ADAMTS20: variants seen among roughly 807,000 people sequenced by gnomAD.
ADAMTS20 encodes the protein A disintegrin and metalloproteinase with thrombospondin motifs 20.
Under a neutral mutation model 260.1 loss-of-function variants are expected in ADAMTS20, and 225 were observed. The ratio of observed to expected loss-of-function variants is 0.87; its 90% CI spans 0.78 to 0.97. The LOEUF (loss-of-function observed/expected upper bound fraction) is 0.97. Among genes scored for constraint, ADAMTS20 ranks in the 50% least tolerant of loss-of-function variants. The pLI, the probability that ADAMTS20 is intolerant of heterozygous loss-of-function variation, is 0.00. For missense variants in ADAMTS20, 2,400 were observed against 2,337.7 expected, an observed-to-expected ratio of 1.03 and a Z score of -0.55; for synonymous variants, 802 against 769.5, an observed-to-expected ratio of 1.04 and a Z score of -0.70.
At chr12:43,357,315 A>C (rs1939767606) in intron 37 of ADAMTS20, among the ~76,000 whole-genome samples, 1 of 152,222 alleles carries the variant, frequency 6.6e-6, no homozygotes, top group Non-Finnish European at 1.5e-5. Context: ...GATTCAGAAC[A>C]ATATTACGAC....
chr12:43,452,802 C>T, intron 12 of ADAMTS20, 107 bp from the exon 13 acceptor site: 2 of 1,010,992 alleles, frequency 2.0e-6, no homozygotes, highest in Non-Finnish European at 2.8e-6. Flanking sequence ...AGTGAAGTCC[C>T]ACTAACACTT....
At chr12:43,542,641 T>G (rs911657421) in intron 2 of ADAMTS20, among the ~76,000 whole-genome samples, 2 of 152,208 alleles carry the variant, frequency 1.3e-5, no homozygotes, top group African/African-American at 4.8e-5. Context: ...AATTCAAAAT[T>G]TAGTTTTTCC....
intron 3 of ADAMTS20, among the ~76,000 whole-genome samples, chr12:43,512,164 G>T (rs112507004): frequency 1.3e-4 from 19 of 150,462 alleles, no homozygotes; most frequent in Non-Finnish European, 2.2e-4. Flanking sequence ...TATTATTATC[G>T]TCATTTTATA....
At chr12:43,499,927 T>C (rs1209123679) in intron 4 of ADAMTS20, among the ~76,000 whole-genome samples, 1 of 152,240 alleles carries the variant, frequency 6.6e-6, no homozygotes, top group Admixed American at 6.5e-5. Flanking sequence ...CTAGTCAGTA[T>C]GCCCAAAGCA....
intron 3 of ADAMTS20, among the ~76,000 whole-genome samples, chr12:43,502,608 G>T (rs1190415296): frequency 6.6e-6 from 1 of 151,998 alleles, no homozygotes; most frequent in Non-Finnish European, 1.5e-5. Context: ...TAAAAAGTTT[G>T]CAAAAGTTCA....
At chr12:43,495,973 A>C (rs755063981) in intron 4 of ADAMTS20, among the ~76,000 whole-genome samples, 1 of 152,096 alleles carries the variant, frequency 6.6e-6, no homozygotes, top group Non-Finnish European at 1.5e-5. Context: ...TTATTGAACA[A>C]CTCTATTCAA....
intron 12 of ADAMTS20, among the ~76,000 whole-genome samples, chr12:43,453,311 T>A (rs561147919): frequency 6.6e-6 from 1 of 152,232 alleles, no homozygotes; most frequent in South Asian, 2.1e-4. Flanking sequence ...AAGTAAAGAG[T>A]ATCATATTGC....
chr12:43,418,298 A>G lies in ADAMTS20; in HGVS notation c.4284+7216T>C, dbSNP rs150230090. Among the ~76,000 whole-genome samples the G allele has an allele frequency of 7.2e-3, 1,088 of 152,154 alleles. 16 individuals carry two copies. The highest frequency in any genetic ancestry group is 0.026 in the African/African-American group (1,066 of 41,474). ...AATGTTTGGAAACGTTTCTCCTGCT[A>G]GGTGATTTTGCCCAGGGCATTTGTT... On this transcript the variant is annotated intron_variant, in intron 28 of 38. Transcript: ENST00000389420.
chr12:43,367,100 C>T (rs900109404), intron 37 of ADAMTS20, among the ~76,000 whole-genome samples: 1 of 151,892 alleles, frequency 6.6e-6, no homozygotes, highest in Non-Finnish European at 1.5e-5. Flanking sequence ...GCTCAGATGG[C>T]TTTGCTGGTA....
At chr12:43,543,347 C>A (rs1943401759) in intron 2 of ADAMTS20, among the ~76,000 whole-genome samples, 1 of 151,960 alleles carries the variant, frequency 6.6e-6, no homozygotes, top group Non-Finnish European at 1.5e-5. Context: ...AAGGAGCTCC[C>A]CTCCTTCCAC....
rs548183590 is a variant in ADAMTS20 at position 43,412,123 on chromosome 12, G to A, written c.4285-12890C>T. Among the ~76,000 whole-genome samples, 98 of 152,262 alleles carry A rather than the reference G, an allele frequency of 6.4e-4. 1 individual carries two copies. Among genetic ancestry groups the A allele is most frequent in the Middle Eastern group, 3.4e-3 (1 of 294 alleles). On this transcript the variant is annotated intron_variant, in intron 28 of 38. Coordinates refer to ENST00000389420, the MANE Select transcript of ADAMTS20 (RefSeq NM_025003.5). ...AAAGAAATGAACCGATGCTATGTAG[G>A]AAAAAACCACAGGAGCAAACTTGTA...
chr12:43,355,518 T>C (rs1565661799), intron 38 of ADAMTS20, among the ~76,000 whole-genome samples: 1 of 152,210 alleles, frequency 6.6e-6, no homozygotes, highest in Non-Finnish European at 1.5e-5. Context: ...TAGAATGTTT[T>C]AAAGGCTATG....
In ADAMTS20 at chr12:43,443,858, G is replaced by A. The variant is rs147586645; in HGVS notation, c.2223C>T (p.Pro741=). ...GAATGTCAACGTTTGTTGCTCCTGC[G>A]GGAATCTTTACAACAACATTATAAC... ...HYGYNVVVKI[P]AGATNVDIRQ... The change falls in exon 16 of 39, where the codon CCC becomes CCT. Residue 741 remains proline, a synonymous_variant. Transcript: ENST00000389420. The A allele has an allele frequency of 1.8e-5, 29 of 1,612,734 alleles. No homozygotes were observed. Among genetic ancestry groups the A allele is most frequent in the Middle Eastern group, 1.6e-4 (1 of 6,080 alleles).
chr12:43,379,709 G>A (rs1940308230), intron 31 of ADAMTS20, among the ~76,000 whole-genome samples: 1 of 152,098 alleles, frequency 6.6e-6, no homozygotes, highest in African/African-American at 2.4e-5. Context: ...AAACAATATA[G>A]ACTTAACAGT....
intron 29 of ADAMTS20, among the ~76,000 whole-genome samples, chr12:43,390,677 C>T (rs1157221806): frequency 6.6e-6 from 1 of 152,174 alleles, no homozygotes; most frequent in Non-Finnish European, 1.5e-5. Context: ...GACTTTCCTA[C>T]ACTGTCCAAT....
chr12:43,409,550 C>T (rs1241518981), intron 28 of ADAMTS20, among the ~76,000 whole-genome samples: 105 of 128,106 alleles, frequency 8.2e-4, no homozygotes, highest in Admixed American at 1.1e-3. Flanking sequence ...TGCAGTGAGC[C>T]GAGATCCCGC....
At position 43,445,333 on chromosome 12, in the gene ADAMTS20, T is replaced by C. The variant is rs182894269; in HGVS notation, c.2197+1262A>G. ...TGTAATAAGTATGTGCCATGCATTA[T>C]AGAAGGGAATCAAATGTGTGTAGCT... On this transcript the variant is annotated intron_variant, in intron 15 of 38. Coordinates refer to ENST00000389420, the MANE Select transcript of ADAMTS20 (RefSeq NM_025003.5). 7.7e-4 allele frequency among the ~76,000 whole-genome samples: 117 copies of C among 151,940 alleles called. 1 individual carries two copies. Among genetic ancestry groups the C allele is most frequent in the African/African-American group, 2.8e-3 (115 of 41,556 alleles).
intron 14 of ADAMTS20, among the ~76,000 whole-genome samples, chr12:43,450,495 T>G (rs1941845393): frequency 6.6e-6 from 1 of 152,208 alleles, no homozygotes; most frequent in African/African-American, 2.4e-5. Flanking sequence ...TGCTGCTAAT[T>G]TAAAGCACAA....
At chr12:43,487,201 G>A (rs1402737120) in intron 7 of ADAMTS20, among the ~76,000 whole-genome samples, 2 of 151,962 alleles carry the variant, frequency 1.3e-5, no homozygotes, top group African/African-American at 4.8e-5. Flanking sequence ...AAGAAAATGT[G>A]GTATGTATAC....
Sources: allele counts gnomAD v4.1 joint callset (sites outside exome capture counted in the v4.1 genomes callset), GRCh38; gene constraint gnomAD v4.1.1; transcripts MANE v1.5; gene names NCBI Gene and HGNC (gene_info 2026-07-23, HGNC 2026-07-21).